The following EDIL3 variants were observed in gnomAD, a reference collection of about 807,000 sequenced individuals.
EDIL3 encodes the protein EGF-like repeat and discoidin I-like domain-containing protein 3.
In EDIL3, 37 loss-of-function variants were observed where a neutral mutation model predicts 67.4. The ratio of observed to expected loss-of-function variants is 0.55; its 90% CI spans 0.42 to 0.72. EDIL3 has a LOEUF of 0.72. EDIL3 is among the 30% of genes least tolerant of loss of function. The probability of loss-of-function intolerance (pLI) is 0.00; values close to 1 mark genes in which losing one functional copy is unlikely to be tolerated. For synonymous variants in EDIL3, 195 were observed against 196.3 expected (o/e 0.99, Z 0.05); for missense variants, 527 against 586.3 (o/e 0.90, Z 1.04).
chr5:84,355,138 G>A (rs1747454195), intron 1 of EDIL3, among the ~76,000 whole-genome samples: 1 of 152,040 alleles, frequency 6.6e-6, no homozygotes, highest in East Asian at 1.9e-4. Context: ...CGTAAGTTTG[G>A]TCTTTTCACA....
At chr5:84,161,203 T>C (rs1003134318) in intron 4 of EDIL3, among the ~76,000 whole-genome samples, 3 of 152,080 alleles carry the variant, frequency 2.0e-5, no homozygotes, top group Non-Finnish European at 2.9e-5. Context: ...TAGTATTCCA[T>C]GGTGTGTATA....
At chr5:84,158,645 T>G (rs776633980) in intron 4 of EDIL3, among the ~76,000 whole-genome samples, 1 of 152,040 alleles carries the variant, frequency 6.6e-6, no homozygotes, top group African/African-American at 2.4e-5. Context: ...TTACTACTTA[T>G]CCCTCAATTA....
intron 8 of EDIL3, 24 bp downstream of exon 8, chr5:84,064,676 A>T (rs753722657): frequency 1.4e-5 from 23 of 1,603,872 alleles, no homozygotes; most frequent in Non-Finnish European, 2.0e-5. Context: ...AATAGAATAC[A>T]GAAATAGTTA....
intron 6 of EDIL3, among the ~76,000 whole-genome samples, chr5:84,079,814 A>C (rs1746930022): frequency 6.6e-6 from 1 of 151,894 alleles, no homozygotes; most frequent in African/African-American, 2.4e-5. Context: ...GTTTCCAGTT[A>C]AAAAGCACAG....
chr5:83,978,593 T>G (rs748033954), intron 9 of EDIL3, among the ~76,000 whole-genome samples: 1 of 151,990 alleles, frequency 6.6e-6, no homozygotes, highest in Admixed American at 6.6e-5. Context: ...CCGCCTAAGA[T>G]TAACCCTTAA....
intron 1 of EDIL3, among the ~76,000 whole-genome samples, chr5:84,309,226 G>A (rs1048352555): frequency 6.7e-6 from 1 of 149,232 alleles, no homozygotes; most frequent in Non-Finnish European, 1.5e-5. Context: ...GTAATTAATT[G>A]TTGGGGGTTT....
At chr5:84,345,765 T>C (rs1469912681) in intron 1 of EDIL3, among the ~76,000 whole-genome samples, 1 of 152,180 alleles carries the variant, frequency 6.6e-6, no homozygotes, top group Non-Finnish European at 1.5e-5. Context: ...CAAGCATTTT[T>C]GCAAAACTTT....
chr5:84,084,260 GT>G, intron 6 of EDIL3, among the ~76,000 whole-genome samples: 1 of 152,178 alleles, frequency 6.6e-6, no homozygotes, highest in African/African-American at 2.4e-5. Context: ...GTTTTATAAA[GT>G]TTTATTTCTA....
At chr5:84,314,039 T>C (rs1466337379) in intron 1 of EDIL3, among the ~76,000 whole-genome samples, 1 of 151,798 alleles carries the variant, frequency 6.6e-6, no homozygotes. Flanking sequence ...CTACTAAAAA[T>C]ATAAAAATTA....
chr5:84,174,929 C>T (rs1023124724), intron 4 of EDIL3, among the ~76,000 whole-genome samples: 1 of 152,134 alleles, frequency 6.6e-6, no homozygotes, highest in African/African-American at 2.4e-5. Context: ...AATGTTAGGG[C>T]CATTCAAGGA....
intron 5 of EDIL3, among the ~76,000 whole-genome samples, chr5:84,107,995 T>C (rs1747493346): frequency 6.6e-6 from 1 of 151,194 alleles, no homozygotes; most frequent in African/African-American, 2.4e-5. Context: ...TCAGAATTTA[T>C]GAAAATAAGA....
chr5:84,051,471 C>T (rs6452561), intron 9 of EDIL3, among the ~76,000 whole-genome samples: 46,660 of 151,946 alleles, frequency 0.31, 7,257 homozygotes, highest in African/African-American at 0.36. Flanking sequence ...ACGACTTTGA[C>T]GAGTTGAGAG....
At chr5:84,160,673 G>C (rs796333290) in intron 4 of EDIL3, among the ~76,000 whole-genome samples, 1 of 151,806 alleles carries the variant, frequency 6.6e-6, no homozygotes. Context: ...AGTTTACCCA[G>C]CACTTTCCAA....
intron 9 of EDIL3, among the ~76,000 whole-genome samples, chr5:83,971,918 C>G (rs1367406869): frequency 6.6e-6 from 1 of 152,062 alleles, no homozygotes; most frequent in Non-Finnish European, 1.5e-5. Context: ...TCTTAATAAT[C>G]CAAAATCCAA....
At chr5:84,081,919 T>C (rs1746978027) in intron 6 of EDIL3, among the ~76,000 whole-genome samples, 1 of 152,216 alleles carries the variant, frequency 6.6e-6, no homozygotes, top group African/African-American at 2.4e-5. Context: ...CTCCTTGGCA[T>C]TTGCCATCAC....
intron 3 of EDIL3, among the ~76,000 whole-genome samples, chr5:84,190,028 C>T (rs933514664): frequency 6.6e-6 from 1 of 151,860 alleles, no homozygotes; most frequent in Non-Finnish European, 1.5e-5. Flanking sequence ...TAATATAAGG[C>T]CTAGGTGCAC....
intron 1 of EDIL3, among the ~76,000 whole-genome samples, chr5:84,375,981 G>A (rs999097987): frequency 6.6e-6 from 1 of 152,122 alleles, no homozygotes; most frequent in Non-Finnish European, 1.5e-5. Context: ...GACATAATGT[G>A]TGTTTTACAA....
chr5:84,187,502 T>A (rs1743489626), intron 3 of EDIL3, among the ~76,000 whole-genome samples: 1 of 152,016 alleles, frequency 6.6e-6, no homozygotes, highest in South Asian at 2.1e-4. Flanking sequence ...ACATTGCCAG[T>A]TAGATATCAA....
At chr5:84,165,692 GA>G (rs1411447709) in intron 4 of EDIL3, among the ~76,000 whole-genome samples, 1 of 152,070 alleles carries the variant, frequency 6.6e-6, no homozygotes. Flanking sequence ...TGGCTCTCTC[GA>G]TAATCTTGAT....
Sources: allele counts gnomAD v4.1 joint callset (sites outside exome capture counted in the v4.1 genomes callset), GRCh38; gene constraint gnomAD v4.1.1; transcripts MANE v1.5; gene names NCBI Gene and HGNC (gene_info 2026-07-23, HGNC 2026-07-21).